Variants in PCDHA10 observed in about 807,000 individuals in gnomAD.
PCDHA10 encodes protocadherin alpha-10.
Under a neutral mutation model 61.2 loss-of-function variants are expected in PCDHA10, and 45 were observed. The ratio of observed to expected loss-of-function variants is 0.74; its 90% confidence interval spans 0.58 to 0.94. The LOEUF is 0.94. Ranked by LOEUF, PCDHA10 falls within the 40% of genes least tolerant of loss-of-function variation. The pLI is 0.00. For missense variants in PCDHA10, 1,278 were observed against 1,236.2 expected (o/e 1.03, Z -0.51); for synonymous variants, 602 against 548.8 (o/e 1.10, Z -1.35).
At chr5:140,883,544 A>T in intron 1 of PCDHA10, 1 of 1,614,168 alleles carries the variant, frequency 6.2e-7, no homozygotes, top group South Asian at 1.1e-5. Flanking sequence ...ACTGGTGGTG[A>T]CCGCGCGGGA....
At chr5:140,922,254 T>G (rs2080741873) in intron 1 of PCDHA10, among the ~76,000 whole-genome samples, 1 of 152,228 alleles carries the variant, frequency 6.6e-6, no homozygotes, top group East Asian at 1.9e-4. Context: ...GATAAGTTAC[T>G]AAGTGCCATG....
intron 1 of PCDHA10, among the ~76,000 whole-genome samples, chr5:140,942,504 G>C (rs2093309107): frequency 6.6e-6 from 1 of 151,936 alleles, no homozygotes; most frequent in Admixed American, 6.6e-5. Flanking sequence ...ATGGTATCTA[G>C]GAAACTCAGA....
chr5:141,010,438 CAAAT>C lies in PCDHA10; in HGVS notation c.*505_*508del, dbSNP rs2098417279. On this transcript the variant is annotated 3_prime_UTR_variant, in exon 4 of 4. Transcript: ENST00000307360. ...TACAAGGAAGGCAAGAAAACAAAGA[CAAAT>C]AAACAGCGGAAGTTATCAGTATGGA... 2.0e-6 allele frequency: 2 copies of C among 998,926 alleles called. No homozygotes were observed. The highest frequency in any genetic ancestry group is 2.8e-6 in the Non-Finnish European group (2 of 704,790). The allele number at this position is 998,926 out of a possible 1,614,324, so 61.9% of individuals were successfully genotyped here.
At chr5:140,884,588 C>G (rs1554181766) in intron 1 of PCDHA10, 1 of 1,614,152 alleles carries the variant, frequency 6.2e-7, no homozygotes, top group East Asian at 2.2e-5. Context: ...GGCCTTCAGT[C>G]CCAGCCTTCC....
chr5:140,891,931 G>A (rs2063313924), intron 1 of PCDHA10, among the ~76,000 whole-genome samples: 1 of 152,168 alleles, frequency 6.6e-6, no homozygotes, highest in Non-Finnish European at 1.5e-5. Flanking sequence ...CTTGATCTTG[G>A]ACTTCCCCTA....
intron 1 of PCDHA10, among the ~76,000 whole-genome samples, chr5:140,938,765 A>G (rs1554212377): frequency 6.6e-6 from 1 of 152,182 alleles, no homozygotes; most frequent in Non-Finnish European, 1.5e-5. Context: ...GTTATTGGGT[A>G]CTAGACTTAG....
intron 1 of PCDHA10, chr5:140,864,013 A>T: frequency 6.5e-6 from 1 of 153,164 alleles, no homozygotes; most frequent in South Asian, 2.1e-4. Flanking sequence ...AAAAAAAAGT[A>T]CATTGGAAGT....
rs1190939164 is a variant in PCDHA10, at chr5:140,968,882, C to T, written c.2389-10067C>T. ...CCCTCGGACATACTCTGAAATTACC[C>T]TTTATCTAATAATAGCATTAAGCAC... On this transcript the variant is annotated intron_variant, in intron 1 of 3. Transcript: ENST00000307360. 6 of 1,614,066 alleles carry T rather than the reference C, an allele frequency of 3.7e-6. No individual in the cohort carries two copies. The African/African-American group carries it at 6.7e-5, about 18-fold the overall frequency.
At chr5:140,892,021 G>T (rs2063355611) in intron 1 of PCDHA10, among the ~76,000 whole-genome samples, 1 of 152,160 alleles carries the variant, frequency 6.6e-6, no homozygotes, top group Non-Finnish European at 1.5e-5. Context: ...AGCACAAATG[G>T]TCTAAGATAC....
intron 1 of PCDHA10, chr5:140,967,572 A>T (rs782502082): frequency 4.3e-6 from 7 of 1,613,544 alleles, no homozygotes; most frequent in Middle Eastern, 3.3e-4. Flanking sequence ...CTACGGGAGG[A>T]CTCACCCCCA....
At chr5:141,000,429 T>A (rs1327595966) in intron 3 of PCDHA10, among the ~76,000 whole-genome samples, 40 of 124,862 alleles carry the variant, frequency 3.2e-4, no homozygotes, top group African/African-American at 1.1e-3. Flanking sequence ...ATATTTTTTT[T>A]TTTTTTTTTT....
intron 1 of PCDHA10, among the ~76,000 whole-genome samples, chr5:140,889,945 C>A (rs2153428950): frequency 6.6e-6 from 1 of 152,212 alleles, no homozygotes; most frequent in Non-Finnish European, 1.5e-5. Flanking sequence ...TTGTGAGAAG[C>A]CAAATGGATA....
Position 140,857,004 on chromosome 5 carries a change from T to C in PCDHA10, c.956T>C (p.Val319Ala), listed in dbSNP as rs1554149409. 6.3e-7 allele frequency: 1 copy of C among 1,595,634 alleles called. No homozygotes were observed. Among genetic ancestry groups the C allele is most frequent in the Non-Finnish European group, 8.6e-7 (1 of 1,165,368 alleles). Reference sequence around the variant, plus strand: ...GACAGTAACACTTATGAAATTCATGTAGATGTTACAGATAAGGGAAACCCA... The same window carrying C: ...GACAGTAACACTTATGAAATTCATGCAGATGTTACAGATAAGGGAAACCCA... ...FEDSNTYEIH[V>A]DVTDKGNPPM... Residue 319 changes from valine to alanine, a missense_variant, in exon 1 of 4, where the codon GTA becomes GCA. Transcript: ENST00000307360.
At chr5:140,966,805 T>G in intron 1 of PCDHA10, 1 of 1,545,566 alleles carries the variant, frequency 6.5e-7, no homozygotes, top group East Asian at 2.4e-5. Context: ...CGACAGAGCA[T>G]CCACGGCTCC....
intron 1 of PCDHA10, among the ~76,000 whole-genome samples, chr5:140,880,366 C>A (rs2058318245): frequency 6.6e-6 from 1 of 152,052 alleles, no homozygotes; most frequent in African/African-American, 2.4e-5. Flanking sequence ...AGATGAAAAC[C>A]ATGAGAGAAT....
intron 1 of PCDHA10, chr5:140,883,969 G>C: frequency 6.2e-7 from 1 of 1,612,962 alleles, no homozygotes; most frequent in Non-Finnish European, 8.5e-7. Context: ...CGCTGCTGAC[G>C]CCCGGGGCTG....
At position 140,855,946 on chromosome 5, in the gene PCDHA10, A is replaced by G; in HGVS notation, c.-103A>G. 3.0e-6 allele frequency: 4 copies of G among 1,354,082 alleles called. No homozygotes were observed. The highest frequency in any genetic ancestry group is 4.0e-6 in the Non-Finnish European group (4 of 989,022). 83.9% of individuals were successfully genotyped at this position (1,354,082 alleles called of 1,614,324 possible). On this transcript the variant is annotated 5_prime_UTR_variant, in exon 1 of 4. Transcript: ENST00000307360. ...GTAGCGTCATTCTGAGATCTCAGCC[A>G]TTTCGATAAAAAATAGATATAAGAA...
chr5:140,869,176 G>C lies in PCDHA10; in HGVS notation c.2388+10740G>C, dbSNP rs200962401. The C allele has an allele frequency of 2.8e-5, 45 of 1,613,986 alleles. No individual in the cohort carries two copies. The East Asian group carries it at 9.6e-4, about 34-fold the overall frequency. On this transcript the variant is annotated intron_variant, in intron 1 of 3. Coordinates refer to ENST00000307360, the MANE Select transcript of PCDHA10 (RefSeq NM_018901.4). Reference sequence around the variant, plus strand: ...CTGGCTTCTCCTCCTCGAATTCTGGGAGGTGGGGAGCGGCCAGCTCCACTA... The same window carrying C: ...CTGGCTTCTCCTCCTCGAATTCTGGCAGGTGGGGAGCGGCCAGCTCCACTA...
chr5:140,968,357 C>A (rs1554230636), intron 1 of PCDHA10: 2 of 1,614,080 alleles, frequency 1.2e-6, no homozygotes, highest in Non-Finnish European at 1.7e-6. Flanking sequence ...CAGTGGCAGC[C>A]TTTATGCTGT....
Sources: allele counts gnomAD v4.1 joint callset (sites outside exome capture counted in the v4.1 genomes callset), GRCh38; gene constraint gnomAD v4.1.1; transcripts MANE v1.5; gene names NCBI Gene and HGNC (gene_info 2026-07-23, HGNC 2026-07-21).